Variants in IRX1 observed in about 807,000 individuals in gnomAD.
IRX1 encodes iroquois-class homeodomain protein IRX-1.
A neutral mutation model predicts 34.1 loss-of-function variants in IRX1; 22 were observed. The observed-to-expected ratio is 0.64, with a 90% CI of 0.46 to 0.92. IRX1 has a LOEUF of 0.92. Ranked by LOEUF, IRX1 falls within the 40% of genes least tolerant of loss-of-function variation. The pLI, the probability that IRX1 is intolerant of heterozygous loss-of-function variation, is 0.00. For missense variants in IRX1, 758 were observed against 680.0 expected (o/e 1.11, Z -1.28); for synonymous variants, 363 against 319.0 (o/e 1.14, Z -1.47).
chr5:3,597,450 GCCCCTCA>G (rs1733816741), intron 1 of IRX1, among the ~76,000 whole-genome samples: 1 of 152,180 alleles, frequency 6.6e-6, no homozygotes, highest in Non-Finnish European at 1.5e-5. Context: ...GGGAGTAAAC[GCCCCTCA>G]AGTGTGCACA....
intron 1 of IRX1, among the ~76,000 whole-genome samples, chr5:3,597,354 A>G (rs868177547): frequency 2.0e-5 from 3 of 152,262 alleles, no homozygotes; most frequent in Middle Eastern, 3.4e-3. Context: ...GGGCCCTGGG[A>G]GGCAGCCCCC....
In IRX1 at chr5:3,596,306, G is replaced by C. The variant is rs767522817; in HGVS notation, c.201G>C (p.Ala67=). The C allele has an allele frequency of 1.9e-4, 280 of 1,466,742 alleles. No homozygotes were observed. Among genetic ancestry groups the C allele is most frequent in the Non-Finnish European group, 2.4e-4 (270 of 1,111,638 alleles). 90.9% of individuals were successfully genotyped at this position (1,466,742 alleles called of 1,614,324 possible). Residue 67 remains alanine, a synonymous_variant, in exon 1 of 4, where the codon GCG becomes GCC. Coordinates refer to ENST00000302006, the MANE Select transcript of IRX1 (RefSeq NM_024337.4). ...CGGTGCTGGGCATGTACGCGGCGGC[G>C]GGGCCGTACGCGGGCGCGCCCAACT... ...VTSVLGMYAA[A]GPYAGAPNYS...
rs1000717552 is a variant in IRX1 at position 3,599,935 on chromosome 5, G to T, written c.987G>T (p.Ala329=). The T allele has an allele frequency of 1.1e-5, 16 of 1,497,662 alleles. No homozygotes were observed. The highest frequency in any genetic ancestry group is 5.6e-5 in the African/African-American group (4 of 70,942). 92.8% of individuals were successfully genotyped at this position (1,497,662 alleles called of 1,614,324 possible). A position where few individuals can be genotyped will look rare whatever the true frequency, so the allele number is the denominator to read the frequency against. The part of the protein sequence containing the change: ...LAETATSPDG[A]PKASPPPPAG... The stretch of plus-strand genomic sequence containing the variant: ...AGACAGCCACGAGCCCCGACGGTGC[G>T]CCCAAGGCTTCGCCACCACCACCCG... Residue 329 remains alanine (A), a synonymous_variant, in exon 2 of 4, where the codon GCG becomes GCT. Transcript: ENST00000302006. The surrounding 1 kb of genome is among the most constrained non-coding windows in gnomAD (Gnocchi z 6.6).
In IRX1 at chr5:3,598,696, C is replaced by A. The variant is rs572446155; in HGVS notation, c.277-529C>A. Among the ~76,000 whole-genome samples, 20 of 152,238 alleles carry A rather than the reference C, an allele frequency of 1.3e-4. No individual in the cohort carries two copies. In the East Asian group the frequency reaches 3.7e-3, roughly 28 times the overall value. ...TGGCGGATTTAGACCGGTAGAAAAC[C>A]CGGGATGGTTTATTTTGATTGAGCC... is the stretch of plus-strand genomic sequence containing the variant. On this transcript the variant is annotated intron_variant, in intron 1 of 3. Transcript: ENST00000302006.
At chr5:3,596,536 C>T (rs1743701740) in intron 1 of IRX1, among the ~76,000 whole-genome samples, 155 bp downstream of exon 1, 2 of 152,074 alleles carry the variant, frequency 1.3e-5, no homozygotes, top group South Asian at 2.1e-4. Flanking sequence ...GAGGCCGCGG[C>T]CCCCGGGGAC....
intron 1 of IRX1, among the ~76,000 whole-genome samples, chr5:3,598,275 G>A (rs1008079086): frequency 3.3e-5 from 5 of 152,216 alleles, no homozygotes; most frequent in African/African-American, 7.2e-5. Context: ...CAAAAAACCT[G>A]ATGGGATAAT....
chr5:3,599,306 T>C lies in IRX1; in HGVS notation c.358T>C (p.Tyr120His). 6.2e-7 allele frequency: 1 copy of C among 1,613,964 alleles called. No homozygotes were observed. Among genetic ancestry groups the C allele is most frequent in the Non-Finnish European group, 8.5e-7 (1 of 1,179,994 alleles). The change falls in exon 2 of 4, where the codon TAC (tyrosine) becomes CAC (histidine). Residue 120 changes from tyrosine (Y) to histidine (H), a missense_variant. Physicochemically the swap from Tyr to His is moderately conservative, Grantham distance 83. Transcript: ENST00000302006. This position sits in a 1 kb window ranked among gnomAD's most constrained non-coding sequence, Gnocchi z 6.6. ...CCACACGGCGCCGGCTTATTACCCC[T>C]ACGGCCAGTTCCAATACGGGGACCC... ...AAHTAPAYYP[Y>H]GQFQYGDPGR...
chr5:3,599,309 G>A lies in IRX1; in HGVS notation c.361G>A (p.Gly121Ser). Residue 121 changes from glycine to serine, a missense_variant, in exon 2 of 4, where the codon GGC becomes AGC. Gly to Ser is a moderately conservative substitution (Grantham distance 56). Transcript: ENST00000302006. The surrounding 1 kb of genome is among the most constrained non-coding windows in gnomAD (Gnocchi z 6.6). ...CACGGCGCCGGCTTATTACCCCTAC[G>A]GCCAGTTCCAATACGGGGACCCCGG... ...AHTAPAYYPY[G>S]QFQYGDPGRP... is the part of the protein sequence containing the mutation. 5.0e-6 allele frequency: 8 copies of A among 1,614,024 alleles called. No individual in the cohort carries two copies. Among genetic ancestry groups the A allele is most frequent in the African/African-American group, 1.3e-5 (1 of 75,018 alleles).
In IRX1 at chr5:3,600,641, G is replaced by A. The variant is rs769119625; in HGVS notation, c.1345G>A (p.Ala449Thr). 1.0e-4 allele frequency: 165 copies of A among 1,613,518 alleles called. No individual in the cohort carries two copies. The highest frequency in any genetic ancestry group is 1.3e-4 in the Non-Finnish European group (157 of 1,179,912). Residue 449 changes from alanine to threonine, a missense_variant, in exon 3 of 4, where the codon GCA (alanine) becomes ACA (threonine). Ala to Thr is a moderately conservative substitution (Grantham distance 58). Around this residue, in one of 3 missense-constraint regions of IRX1, gnomAD observed 529 missense variants for 418.8 expected, o/e 1.26. Transcript: ENST00000302006. ...RDLVPRPDSPAQQLKSPFQPV... is the reference protein window; with the variant it reads ...RDLVPRPDSPTQQLKSPFQPV... ...CCTCGTCCCCAGGCCAGATTCGCCG[G>A]CACAGCAGTTAAAGTCGCCCTTCCA...
rs754140684 is a variant in IRX1, at chr5:3,599,993, G to A, written c.1045G>A (p.Gly349Arg). The A allele has an allele frequency of 6.6e-7, 1 of 1,517,230 alleles. No homozygotes were observed. Among genetic ancestry groups the A allele is most frequent in the Admixed American group, 2.1e-5 (1 of 48,246 alleles). 94.0% of individuals were successfully genotyped at this position (1,517,230 alleles called of 1,614,324 possible). A position where few individuals can be genotyped will look rare whatever the true frequency, so the allele number is the denominator to read the frequency against. Residue 349 changes from glycine (G) to arginine (R), a missense_variant, in exon 2 of 4, where the codon GGG becomes AGG. Around this residue, in one of 3 missense-constraint regions of IRX1, gnomAD observed 529 missense variants for 418.8 expected, o/e 1.26. Coordinates refer to ENST00000302006, the MANE Select transcript of IRX1 (RefSeq NM_024337.4). The surrounding 1 kb of genome is among the most constrained non-coding windows in gnomAD (Gnocchi z 6.6). ...CCCCGGCGCGCACGGGCCCTCCGCC[G>A]GGGCGCCGCTGCAACACCCCGCCTT... is the stretch of plus-strand genomic sequence containing the variant. Reference protein sequence around the residue: ...GHPGAHGPSAGAPLQHPAFLP... With the variant: ...GHPGAHGPSARAPLQHPAFLP...
At position 3,599,567 on chromosome 5, in the gene IRX1, G is replaced by T. The variant is rs1220542046; in HGVS notation, c.619G>T (p.Gly207Cys). The part of the protein sequence containing the change: ...SKDQEDGALF[G>C]SDTEGDPEKA... ...GGACCAGGAAGATGGAGCGCTCTTC[G>T]GCAGCGACACCGAGGGCGACCCGGA... The change falls in exon 2 of 4, where the codon GGC becomes TGC. Residue 207 changes from glycine (G) to cysteine (C), a missense_variant. Physicochemically the swap from Gly to Cys is radical, Grantham distance 159 (BLOSUM62 -3). Coordinates refer to ENST00000302006, the MANE Select transcript of IRX1 (RefSeq NM_024337.4). This position sits in a 1 kb window ranked among gnomAD's most constrained non-coding sequence, Gnocchi z 6.6. 6.2e-7 allele frequency: 1 copy of T among 1,614,112 alleles called. No homozygotes were observed. The highest frequency in any genetic ancestry group is 1.1e-5 in the South Asian group (1 of 91,076).
In IRX1 at chr5:3,599,259, T is replaced by G; in HGVS notation, c.311T>G (p.Val104Gly). ...SQYELKDNPG[V>G]HPATFAAHTA... ...TATGAACTGAAGGACAACCCTGGGG[T>G]GCACCCCGCCACCTTCGCAGCCCAC... Residue 104 changes from valine to glycine, a missense_variant, in exon 2 of 4, where the codon GTG becomes GGG. Coordinates refer to ENST00000302006, the MANE Select transcript of IRX1 (RefSeq NM_024337.4). This position sits in a 1 kb window ranked among gnomAD's most constrained non-coding sequence, Gnocchi z 6.6. 1 of 1,613,422 alleles carries G rather than the reference T, an allele frequency of 6.2e-7. No individual in the cohort carries two copies. Among genetic ancestry groups the G allele is most frequent in the Non-Finnish European group, 8.5e-7 (1 of 1,179,934 alleles).
In IRX1 at chr5:3,596,079, G is replaced by T; in HGVS notation, c.-27G>T. 9.4e-7 allele frequency: 1 copy of T among 1,062,086 alleles called. No homozygotes were observed. Among genetic ancestry groups the T allele is most frequent in the Non-Finnish European group, 1.1e-6 (1 of 878,900 alleles). 65.8% of individuals were successfully genotyped at this position (1,062,086 alleles called of 1,614,324 possible). A position where few individuals can be genotyped will look rare whatever the true frequency, so the allele number is the denominator to read the frequency against. ...CTCCCCGCGCCTTTAATACTCGCCC[G>T]CTGCGGCGGTCGCCGAGTCCGCGGA... On this transcript the variant is annotated 5_prime_UTR_variant, in exon 1 of 4. Transcript: ENST00000302006.
Position 3,600,193 on chromosome 5 carries a change from G to A in IRX1, c.1245G>A (p.Pro415=), listed in dbSNP as rs753460625. 1.4e-5 allele frequency: 23 copies of A among 1,611,822 alleles called. No homozygotes were observed. The highest frequency in any genetic ancestry group is 2.7e-5 in the African/African-American group (2 of 74,938). ...CTGCACCTCCACCACCGCAGCCGCC[G>A]GTCGCTATTGCCCCGGGGGCACTCA... is the stretch of plus-strand genomic sequence containing the variant. ...HLPAPPPPQP[P]VAIAPGALNG... The change falls in exon 2 of 4, where the codon CCG becomes CCA. Residue 415 remains proline, a synonymous_variant. Coordinates refer to ENST00000302006, the MANE Select transcript of IRX1 (RefSeq NM_024337.4).
rs1418793773 is a variant in IRX1, at chr5:3,599,102, G to T, written c.277-123G>T. The T allele has an allele frequency of 9.8e-7, 1 of 1,017,644 alleles. No individual in the cohort carries two copies. The highest frequency in any genetic ancestry group is 1.4e-6 in the Non-Finnish European group (1 of 711,256). 63.0% of individuals were successfully genotyped at this position (1,017,644 alleles called of 1,614,324 possible). A position where few individuals can be genotyped will look rare whatever the true frequency, so the allele number is the denominator to read the frequency against. On this transcript the variant is annotated intron_variant, in intron 1 of 3. Transcript: ENST00000302006. This position sits in a 1 kb window ranked among gnomAD's most constrained non-coding sequence, Gnocchi z 6.6. The stretch of plus-strand genomic sequence containing the variant: ...CCCGCAAAGCGCCTGGGAGGCCCTC[G>T]AGTCCATTGAAGCGGCTGCTTCCCA...
intron 1 of IRX1, among the ~76,000 whole-genome samples, chr5:3,596,812 C>T (rs1743709026): frequency 6.6e-6 from 1 of 152,154 alleles, no homozygotes; most frequent in Non-Finnish European, 1.5e-5. Flanking sequence ...CGCGCGGCCT[C>T]TTTAGTTTTC....
rs761749285 is a variant in IRX1, at chr5:3,599,568, G to T, written c.620G>T (p.Gly207Val). Residue 207 changes from glycine to valine, a missense_variant, in exon 2 of 4, where the codon GGC (glycine) becomes GTC (valine). Transcript: ENST00000302006. The surrounding 1 kb of genome is among the most constrained non-coding windows in gnomAD (Gnocchi z 6.6). ...GACCAGGAAGATGGAGCGCTCTTCG[G>T]CAGCGACACCGAGGGCGACCCGGAG... ...SKDQEDGALFGSDTEGDPEKA... is the reference protein window; with the variant it reads ...SKDQEDGALFVSDTEGDPEKA... 6.2e-7 allele frequency: 1 copy of T among 1,614,104 alleles called. No individual in the cohort carries two copies. Among genetic ancestry groups the T allele is most frequent in the Admixed American group, 1.7e-5 (1 of 60,034 alleles).
In IRX1 at chr5:3,599,188, CCTCT is replaced by C. The variant is rs757774913; in HGVS notation, c.277-31_277-28del. 6.3e-7 allele frequency: 1 copy of C among 1,577,282 alleles called. No homozygotes were observed. ...TCTCCCTTTCTCTCTCCACTTCCCT[CCTCT>C]CTCTCCTCGATGGATCTGCCCTGTG... On this transcript the variant is annotated intron_variant, in intron 1 of 3. Coordinates refer to ENST00000302006, the MANE Select transcript of IRX1 (RefSeq NM_024337.4). The surrounding 1 kb of genome is among the most constrained non-coding windows in gnomAD (Gnocchi z 6.6).
rs558276089 is a variant in IRX1, at chr5:3,601,123, T to C, written c.*83T>C. 1,183 of 1,257,132 alleles carry C rather than the reference T, an allele frequency of 9.4e-4. 2 individuals are homozygous for C. Among genetic ancestry groups the C allele is most frequent in the Middle Eastern group, 1.8e-3 (9 of 5,060 alleles). The allele number at this position is 1,257,132 out of a possible 1,614,324, so 77.9% of individuals were successfully genotyped here. A position where few individuals can be genotyped will look rare whatever the true frequency, so the allele number is the denominator to read the frequency against. On this transcript the variant is annotated 3_prime_UTR_variant, in exon 4 of 4. Transcript: ENST00000302006. Reference sequence around the variant, plus strand: ...AATGTGGGAGGAATTAAGACAAATATTTCAGACTGGTGTAAAGGACAAATA... The same window carrying C: ...AATGTGGGAGGAATTAAGACAAATACTTCAGACTGGTGTAAAGGACAAATA...
Sources: allele counts gnomAD v4.1 joint callset (sites outside exome capture counted in the v4.1 genomes callset), GRCh38; gene constraint gnomAD v4.1.1; regional missense constraint gnomAD v4.1.1; non-coding constraint Gnocchi (gnomAD v3.1); transcripts MANE v1.5; gene names NCBI Gene and HGNC (gene_info 2026-07-23, HGNC 2026-07-21).